Variants in MORC1 observed in about 807,000 individuals in gnomAD.
MORC1 encodes the protein MORC family CW-type zinc finger 1, also known as MORC family CW-type zinc finger protein 1.
In MORC1, 59 loss-of-function variants were observed where a neutral mutation model predicts 134.9. That is an observed-to-expected ratio of 0.44 (90% CI 0.35 to 0.54). MORC1 has a LOEUF of 0.54. Ranked by LOEUF, MORC1 falls within the 20% of genes least tolerant of loss-of-function variation. MORC1 has a pLI of 0.00. For missense variants in MORC1, 947 were observed against 1,134.5 expected, an observed-to-expected ratio of 0.83 and a Z score of 2.37; for synonymous variants, 395 against 391.7, an observed-to-expected ratio of 1.01 and a Z score of -0.10.
At chr3:109,071,129 T>C (rs1305938049) in intron 8 of MORC1, among the ~76,000 whole-genome samples, 1 of 152,140 alleles carries the variant, frequency 6.6e-6, no homozygotes, top group Non-Finnish European at 1.5e-5. Flanking sequence ...AGAAGTTACC[T>C]TGGGATGCTT....
intron 21 of MORC1, among the ~76,000 whole-genome samples, chr3:108,993,026 G>A (rs550015364): frequency 1.3e-5 from 2 of 152,014 alleles, no homozygotes; most frequent in African/African-American, 4.8e-5. Flanking sequence ...TATTACTCTC[G>A]TTTTATATAC....
At chr3:109,062,729 G>A (rs1367718097) in intron 10 of MORC1, among the ~76,000 whole-genome samples, 3 of 152,066 alleles carry the variant, frequency 2.0e-5, no homozygotes. Flanking sequence ...CTAACACAGT[G>A]CTATGACAAG....
intron 8 of MORC1, among the ~76,000 whole-genome samples, chr3:109,084,171 A>G (rs1950574638): frequency 6.6e-6 from 1 of 152,178 alleles, no homozygotes; most frequent in African/African-American, 2.4e-5. Flanking sequence ...ATTAGCCAAG[A>G]GAAAGAAATA....
intron 8 of MORC1, among the ~76,000 whole-genome samples, chr3:109,077,821 A>G (rs576832000): frequency 6.6e-6 from 1 of 151,940 alleles, no homozygotes; most frequent in Non-Finnish European, 1.5e-5. Context: ...AGAAGCAGTT[A>G]GAATAAGCAA....
chr3:109,057,155 G>C (rs1949980089), intron 13 of MORC1, among the ~76,000 whole-genome samples, 188 bp downstream of exon 13: 1 of 152,020 alleles, frequency 6.6e-6, no homozygotes, highest in African/African-American at 2.4e-5. Context: ...TTTTTCCTTA[G>C]AGCATGCATG....
At chr3:109,104,923 G>A (rs182631642) in intron 3 of MORC1, among the ~76,000 whole-genome samples, 34 of 151,834 alleles carry the variant, frequency 2.2e-4, no homozygotes, top group African/African-American at 8.0e-4. Context: ...TCACAGCAGC[G>A]AACATATCCA....
intron 12 of MORC1, 142 bp downstream of exon 12, chr3:109,059,664 A>T (rs1950035950): frequency 3.4e-6 from 2 of 584,290 alleles, no homozygotes; most frequent in Non-Finnish European, 5.8e-6. Flanking sequence ...TGGGAACTTG[A>T]CTATATTAGG....
intron 27 of MORC1, among the ~76,000 whole-genome samples, chr3:108,962,787 C>G (rs897182218): frequency 1.3e-5 from 2 of 149,012 alleles, no homozygotes; most frequent in African/African-American, 4.9e-5. Context: ...TTCAACCTAT[C>G]ACATAACTCA....
In MORC1 at chr3:108,978,555, G is replaced by A. The variant is rs187710079; in HGVS notation, c.2477+960C>T. ...CCACACCCATGGCATCTGTGGAATT[G>A]AGTTCAAGTCTACTGGGGTTAGCAG... is the stretch of plus-strand genomic sequence containing the variant. On this transcript the variant is annotated intron_variant, in intron 24 of 27. Transcript: ENST00000232603. Among the ~76,000 whole-genome samples, 88 of 152,244 alleles carry A rather than the reference G, an allele frequency of 5.8e-4. 2 individuals are homozygous for A. The highest frequency in any genetic ancestry group is 1.8e-4 in the Non-Finnish European group (12 of 68,000).
intron 20 of MORC1, 99 bp downstream of exon 20, chr3:109,004,718 A>AT (rs2107531584): frequency 8.5e-7 from 1 of 1,178,032 alleles, no homozygotes; most frequent in Non-Finnish European, 1.2e-6. Flanking sequence ...TTAGTTAAGC[A>AT]TTTTTCCTAT....
At chr3:109,062,886 A>C (rs1950115414) in intron 10 of MORC1, among the ~76,000 whole-genome samples, 1 of 152,154 alleles carries the variant, frequency 6.6e-6, no homozygotes, top group Admixed American at 6.5e-5. Flanking sequence ...CACCATGCCC[A>C]GACAGACAAA....
chr3:109,027,776 T>C lies in MORC1; in HGVS notation c.1679A>G (p.Asn560Ser). The C allele has an allele frequency of 6.2e-7, 1 of 1,613,924 alleles. No individual in the cohort carries two copies. Among genetic ancestry groups the C allele is most frequent in the Non-Finnish European group, 8.5e-7 (1 of 1,179,852 alleles). The change falls in exon 17 of 28, where the codon AAT (asparagine) becomes AGT (serine). Residue 560 changes from asparagine to serine, a missense_variant. Physicochemically the swap from Asn to Ser is conservative, Grantham distance 46 (BLOSUM62 1). Coordinates refer to ENST00000232603, the MANE Select transcript of MORC1 (RefSeq NM_014429.4). Reference sequence around the variant, plus strand: ...CTGTGGCTGCTGTTCTGCCAGTCTATTTTGATACTTTATGACCGACTCTCT... The same window carrying C: ...CTGTGGCTGCTGTTCTGCCAGTCTACTTTGATACTTTATGACCGACTCTCT... The part of the protein sequence containing the change: ...QLRESVIKYQ[N>S]RLAEQQPQPQ...
chr3:109,000,476 A>C (rs1212057076), intron 21 of MORC1, 81 bp downstream of exon 21: 1 of 1,045,282 alleles, frequency 9.6e-7, no homozygotes, highest in African/African-American at 1.6e-5. Context: ...TGTTTCCACT[A>C]CTTTGAGACA....
intron 8 of MORC1, among the ~76,000 whole-genome samples, chr3:109,086,807 T>C (rs1272587604): frequency 6.6e-6 from 1 of 152,022 alleles, no homozygotes; most frequent in Admixed American, 6.6e-5. Context: ...TGGTAAAATA[T>C]CAACATTTGG....
At position 109,100,785 on chromosome 3, in the gene MORC1, C is replaced by T. The variant is rs114395483; in HGVS notation, c.224-278G>A. Among the ~76,000 whole-genome samples, 668 of 152,296 alleles carry T rather than the reference C, an allele frequency of 4.4e-3. 15 individuals are homozygous for T. The highest frequency in any genetic ancestry group is 0.015 in the African/African-American group (636 of 41,550). On this transcript the variant is annotated intron_variant, in intron 4 of 27. Coordinates refer to ENST00000232603, the MANE Select transcript of MORC1 (RefSeq NM_014429.4). ...AAATAAATTGCGTCTGGACTGACCA[C>T]GTACAGACTTTTTTTTTGTCATTAT... is the stretch of plus-strand genomic sequence containing the variant.
At chr3:108,978,823 C>A (rs911772402) in intron 24 of MORC1, among the ~76,000 whole-genome samples, 2 of 152,108 alleles carry the variant, frequency 1.3e-5, no homozygotes, top group African/African-American at 4.8e-5. Context: ...CACACAAGAC[C>A]CTTAAAACCC....
At position 108,982,741 on chromosome 3, in the gene MORC1, AG is replaced by A. The variant is rs67497438; in HGVS notation, c.2324+1974del. 4.7e-3 allele frequency among the ~76,000 whole-genome samples: 690 copies of A among 145,900 alleles called. 4 individuals carry two copies. The highest frequency in any genetic ancestry group is 0.016 in the African/African-American group (629 of 39,622). On this transcript the variant is annotated intron_variant, in intron 23 of 27. Transcript: ENST00000232603. ...ACTTAAAGTATAAAAAAAAAAAAAA[AG>A]AAGAAGAAGAAGAAAGAAAGAAACG...
intron 17 of MORC1, among the ~76,000 whole-genome samples, chr3:109,007,941 A>ATGTCTGTG (rs1948585152): frequency 6.7e-6 from 1 of 149,512 alleles, no homozygotes; most frequent in African/African-American, 2.5e-5. Flanking sequence ...GCACATATAT[A>ATGTCTGTG]TGTGTGTGTG....
At chr3:109,094,582 T>C (rs908471709) in intron 7 of MORC1, among the ~76,000 whole-genome samples, 20 of 152,188 alleles carry the variant, frequency 1.3e-4, no homozygotes, top group African/African-American at 4.8e-4. Context: ...TCACTCTATC[T>C]CAAATGATGC....
Sources: allele counts gnomAD v4.1 joint callset (sites outside exome capture counted in the v4.1 genomes callset), GRCh38; gene constraint gnomAD v4.1.1; transcripts MANE v1.5; gene names NCBI Gene and HGNC (gene_info 2026-07-23, HGNC 2026-07-21).